The following ARMC10 variants were observed in gnomAD, a reference collection of about 807,000 sequenced individuals.
The protein encoded by ARMC10 is armadillo repeat containing 10, also known as armadillo repeat-containing protein 10.
ARMC10 carries 23 observed loss-of-function variants against 30.2 expected under a neutral mutation model. That is an observed-to-expected ratio of 0.76 (90% confidence interval 0.55 to 1.08). The LOEUF (loss-of-function observed/expected upper bound fraction) is 1.08. Among genes scored for constraint, ARMC10 ranks in the 50% least tolerant of loss-of-function variants. ARMC10 has a pLI of 0.00. For missense variants in ARMC10, 303 were observed against 413.7 expected, an observed-to-expected ratio of 0.73 and a Z score of 2.32; for synonymous variants, 111 against 164.4, an observed-to-expected ratio of 0.68 and a Z score of 2.48.
At chr7:103,087,419 G>A (rs1800953341) in intron 4 of ARMC10, among the ~76,000 whole-genome samples, 1 of 152,150 alleles carries the variant, frequency 6.6e-6, no homozygotes, top group African/African-American at 2.4e-5. Context: ...TTTCAAAAAT[G>A]TTATTTATGA....
intron 3 of ARMC10, among the ~76,000 whole-genome samples, chr7:103,085,374 A>G (rs982430287): frequency 3.9e-5 from 6 of 151,986 alleles, no homozygotes; most frequent in African/African-American, 1.4e-4. Context: ...GGTAAAATGG[A>G]GTATTGAGCT....
intron 2 of ARMC10, among the ~76,000 whole-genome samples, chr7:103,082,123 C>G (rs1265251421): frequency 6.6e-6 from 1 of 152,130 alleles, no homozygotes; most frequent in Non-Finnish European, 1.5e-5. Context: ...GGGTGAAACG[C>G]TATTTTATAA....
rs1448263719 is a variant in ARMC10 at position 103,098,759 on chromosome 7, A to C, written c.*206A>C. 1.3e-5 allele frequency: 7 copies of C among 547,124 alleles called. No homozygotes were observed. Among genetic ancestry groups the C allele is most frequent in the East Asian group, 1.0e-4 (3 of 29,334 alleles). 33.9% of individuals were successfully genotyped at this position (547,124 alleles called of 1,614,324 possible). ...ATAAGAGCTTGTACTGAAACCATTT[A>C]TTTCTTTCTATTTTGCTATTTGCAA... On this transcript the variant is annotated 3_prime_UTR_variant, in exon 7 of 7. Coordinates refer to ENST00000323716, the MANE Select transcript of ARMC10 (RefSeq NM_031905.5).
chr7:103,095,205 ATCC>A (rs1463999044), intron 5 of ARMC10, among the ~76,000 whole-genome samples: 4 of 152,074 alleles, frequency 2.6e-5, no homozygotes, highest in Non-Finnish European at 5.9e-5. Flanking sequence ...GGCTCAAACA[ATCC>A]TCCTACCTCA....
chr7:103,075,847 C>G lies in ARMC10; in HGVS notation c.210C>G (p.Thr70=), dbSNP rs1799724028. The change falls in exon 2 of 7, where the codon ACC becomes ACG. Residue 70 remains threonine, a synonymous_variant. Coordinates refer to ENST00000323716, the MANE Select transcript of ARMC10 (RefSeq NM_031905.5). The stretch of plus-strand genomic sequence containing the variant: ...CGGCCCGGCCTCAGACGGGAGGTAC[C>G]TGGGAGTCACAGTGGTCCAAGACCT... ...GRSARPQTGG[T]WESQWSKTSQ... is the part of the protein sequence containing the mutation. 6.2e-7 allele frequency: 1 copy of G among 1,610,956 alleles called. No individual in the cohort carries two copies. The highest frequency in any genetic ancestry group is 1.3e-5 in the African/African-American group (1 of 74,896).
At chr7:103,084,981 A>G (rs919640289) in intron 3 of ARMC10, among the ~76,000 whole-genome samples, 8 of 152,226 alleles carry the variant, frequency 5.3e-5, no homozygotes, top group Non-Finnish European at 4.4e-5. Context: ...TGTGAATACA[A>G]GTGAACAACA....
chr7:103,084,892 G>A (rs1193912844), intron 3 of ARMC10, among the ~76,000 whole-genome samples: 1 of 152,146 alleles, frequency 6.6e-6, no homozygotes, highest in African/African-American at 2.4e-5. Flanking sequence ...GCAATTTCTG[G>A]ATCAGTCGAG....
In ARMC10 at chr7:103,097,138, C is replaced by A. The variant is rs919689421; in HGVS notation, c.706-139C>A. 207 of 703,812 alleles carry A rather than the reference C, an allele frequency of 2.9e-4. 2 individuals carry two copies. The highest frequency in any genetic ancestry group is 2.4e-4 in the Middle Eastern group (1 of 4,142). The allele number at this position is 703,812 out of a possible 1,614,324, so 43.6% of individuals were successfully genotyped here. A position where few individuals can be genotyped will look rare whatever the true frequency, so the allele number is the denominator to read the frequency against. On this transcript the variant is annotated intron_variant, in intron 5 of 6. Transcript: ENST00000323716. ...AAAGTAGAATGAACGGAGAAGGTTT[C>A]CTGGAGTAGAGAGAATTTGAGCCAG...
At chr7:103,077,793 A>C (rs1800023764) in intron 2 of ARMC10, among the ~76,000 whole-genome samples, 1 of 152,228 alleles carries the variant, frequency 6.6e-6, no homozygotes, top group African/African-American at 2.4e-5. Context: ...CTTCTCAGTT[A>C]TACTGACTCA....
intron 2 of ARMC10, among the ~76,000 whole-genome samples, chr7:103,078,221 C>T (rs1800068158): frequency 6.6e-6 from 1 of 152,156 alleles, no homozygotes; most frequent in South Asian, 2.1e-4. Context: ...GATGTGCCTG[C>T]CTTAGCCTCC....
chr7:103,088,776 C>A, intron 4 of ARMC10: 1 of 183,158 alleles, frequency 5.5e-6, no homozygotes, highest in South Asian at 1.3e-4. Flanking sequence ...TTCAGCCAAC[C>A]AATTTCCATT....
chr7:103,079,812 T>C (rs930902622), intron 2 of ARMC10, among the ~76,000 whole-genome samples: 1 of 152,252 alleles, frequency 6.6e-6, no homozygotes, highest in Non-Finnish European at 1.5e-5. Flanking sequence ...TCATTCATGA[T>C]AGCTATAAAA....
chr7:103,083,724 A>C lies in ARMC10; in HGVS notation c.287A>C (p.Glu96Ala). 6.2e-7 allele frequency: 1 copy of C among 1,613,680 alleles called. No individual in the cohort carries two copies. Among genetic ancestry groups the C allele is most frequent in the Non-Finnish European group, 8.5e-7 (1 of 1,179,572 alleles). Residue 96 changes from glutamate (E) to alanine (A), a missense_variant, in exon 3 of 7, where the codon GAA becomes GCA. Glu to Ala is a moderately radical substitution (Grantham distance 107). This residue lies in a region of ARMC10 where 170 missense variants were observed against 207.2 expected (regional missense o/e 0.82). Coordinates refer to ENST00000323716, the MANE Select transcript of ARMC10 (RefSeq NM_031905.5). ...TCATATGATGATGTTCTAAATGCTGAACAACTTCAGAAACTCCTTTACCTG... is the reference window on the plus strand; with the variant it reads ...TCATATGATGATGTTCTAAATGCTGCACAACTTCAGAAACTCCTTTACCTG... ...DGSYDDVLNAEQLQKLLYLLE... is the reference protein window; with the variant it reads ...DGSYDDVLNAAQLQKLLYLLE...
chr7:103,077,130 GT>G (rs1345103536), intron 2 of ARMC10, among the ~76,000 whole-genome samples: 1 of 152,120 alleles, frequency 6.6e-6, no homozygotes, highest in Non-Finnish European at 1.5e-5. Flanking sequence ...GGCTTAAGCA[GT>G]GCTCCTGCCT....
intron 2 of ARMC10, 23 bp downstream of exon 2, chr7:103,075,904 C>T (rs1451763494): frequency 6.6e-7 from 1 of 1,522,440 alleles, no homozygotes; most frequent in African/African-American, 1.4e-5. Flanking sequence ...GAAATGGGAA[C>T]AGTTGTCTGC....
intron 2 of ARMC10, among the ~76,000 whole-genome samples, chr7:103,081,459 C>T (rs1289839406): frequency 6.6e-6 from 1 of 152,252 alleles, no homozygotes; most frequent in African/African-American, 2.4e-5. Flanking sequence ...GCAACCTCTG[C>T]CTCCCAGGCT....
chr7:103,086,343 T>G (rs1294609771), intron 3 of ARMC10, among the ~76,000 whole-genome samples: 1 of 152,198 alleles, frequency 6.6e-6, no homozygotes, highest in Non-Finnish European at 1.5e-5. Context: ...TATTTGTAAG[T>G]TGCTTCAAGA....
At chr7:103,081,344 G>T (rs1176150771) in intron 2 of ARMC10, among the ~76,000 whole-genome samples, 2 of 152,160 alleles carry the variant, frequency 1.3e-5, no homozygotes, top group African/African-American at 4.8e-5. Context: ...TATTTATAAA[G>T]AATTTATACA....
At chr7:103,092,438 G>T in intron 4 of ARMC10, 39 bp from the exon 5 acceptor site, 1 of 1,474,406 alleles carries the variant, frequency 6.8e-7, no homozygotes, top group South Asian at 1.4e-5. Flanking sequence ...GAAAAATTTT[G>T]GAGATTCTAA....
Sources: gnomAD v4.1 joint callset for allele counts (sites outside exome capture counted in the v4.1 genomes callset) on GRCh38, gnomAD v4.1.1 for gene constraint, gnomAD v4.1.1 regional missense constraint, MANE v1.5 for transcripts, NCBI Gene and HGNC (gene_info 2026-07-23, HGNC 2026-07-21) for gene names.